The following BIN3 variants were observed in gnomAD, a reference collection of about 807,000 sequenced individuals.
BIN3 encodes bridging integrator 3.
In BIN3, 41 loss-of-function variants were observed where a neutral mutation model predicts 38.2. The observed-to-expected ratio is 1.07, with a 90% confidence interval of 0.84 to 1.39. BIN3 has a LOEUF of 1.39. BIN3 is among the 40% of genes most tolerant of loss of function. The probability of loss-of-function intolerance (pLI) is 0.00; values close to 1 mark genes in which losing one functional copy is unlikely to be tolerated. For synonymous variants in BIN3, 145 were observed against 122.6 expected (o/e 1.18, Z -1.21); for missense variants, 361 against 324.3 (o/e 1.11, Z -0.87).
rs116580287 is a variant in BIN3, at chr8:22,629,172, G to A, written c.338+792C>T. ...AAACTGCTCCTCTCATTGCCGTGTG[G>A]GCCCTGGGCCAGGCCAGTGATAATT... is the stretch of plus-strand genomic sequence containing the variant. On this transcript the variant is annotated intron_variant, in intron 6 of 8. Transcript: ENST00000276416. Among the ~76,000 whole-genome samples, 953 of 152,334 alleles carry A rather than the reference G, an allele frequency of 6.3e-3. 13 individuals are homozygous for A. The highest frequency in any genetic ancestry group is 0.022 in the African/African-American group (907 of 41,590).
At position 22,623,956 on chromosome 8, in the gene BIN3, C is replaced by A. The variant is rs201431458; in HGVS notation, c.574G>T (p.Asp192Tyr). 2.8e-5 allele frequency: 45 copies of A among 1,611,048 alleles called. No homozygotes were observed. The African/African-American group carries it at 5.3e-4, about 19-fold the overall frequency. Residue 192 changes from aspartate to tyrosine, a missense_variant, in exon 8 of 9, where the codon GAC (aspartate) becomes TAC (tyrosine). Asp to Tyr is a radical substitution (Grantham distance 160). Coordinates refer to ENST00000276416, the MANE Select transcript of BIN3 (RefSeq NM_018688.6). Reference sequence around the variant, plus strand: ...GACTCAAAGCTGGGCTGGAAGTAGTCGAGGCGGCTGCCGTAGAAGCGCGGC... The same window carrying A: ...GACTCAAAGCTGGGCTGGAAGTAGTAGAGGCGGCTGCCGTAGAAGCGCGGC... ...EMPRFYGSRLDYFQPSFESLI... is the reference protein window; with the variant it reads ...EMPRFYGSRLYYFQPSFESLI...
At position 22,621,191 on chromosome 8, in the gene BIN3, G is replaced by T; in HGVS notation, c.*231C>A. ...GCTGGACGGTTCTCCAAATAAAAAAGCCCCAAGGGTTTGTCTACACTGCTT... is the reference window on the plus strand; with the variant it reads ...GCTGGACGGTTCTCCAAATAAAAAATCCCCAAGGGTTTGTCTACACTGCTT... On this transcript the variant is annotated 3_prime_UTR_variant, in exon 9 of 9. Transcript: ENST00000276416. 1 of 560,788 alleles carries T rather than the reference G, an allele frequency of 1.8e-6. No individual in the cohort carries two copies. The highest frequency in any genetic ancestry group is 3.1e-6 in the Non-Finnish European group (1 of 318,440). The allele number at this position is 560,788 out of a possible 1,614,324, so 34.7% of individuals were successfully genotyped here.
intron 1 of BIN3, among the ~76,000 whole-genome samples, chr8:22,652,564 C>T (rs766315772): frequency 1.3e-5 from 2 of 152,218 alleles, no homozygotes; most frequent in African/African-American, 2.4e-5. Context: ...TGAGGGTGTG[C>T]GTTCACTTCA....
chr8:22,625,625 T>C, intron 6 of BIN3: 1 of 559,428 alleles, frequency 1.8e-6, no homozygotes, highest in Non-Finnish European at 3.2e-6. Flanking sequence ...TCTTGCTCTC[T>C]CACCCAGGCT....
intron 4 of BIN3, among the ~76,000 whole-genome samples, chr8:22,633,651 C>G (rs982827004): frequency 1.3e-5 from 2 of 152,198 alleles, no homozygotes; most frequent in Non-Finnish European, 2.9e-5. Context: ...GAAAAGCATC[C>G]CTCCATTCCC....
At chr8:22,626,790 C>T (rs1171923412) in intron 6 of BIN3, among the ~76,000 whole-genome samples, 1 of 152,304 alleles carries the variant, frequency 6.6e-6, no homozygotes, top group East Asian at 1.9e-4. Flanking sequence ...GCCCTATGCT[C>T]GTTGCTCCAG....
intron 1 of BIN3, among the ~76,000 whole-genome samples, chr8:22,648,387 C>G (rs946040043): frequency 6.6e-6 from 1 of 152,094 alleles, no homozygotes; most frequent in Non-Finnish European, 1.5e-5. Context: ...CCCCGAGGCT[C>G]CGCTTGGCTG....
At chr8:22,629,545 G>A (rs945990838) in intron 6 of BIN3, among the ~76,000 whole-genome samples, 9 of 152,242 alleles carry the variant, frequency 5.9e-5, no homozygotes, top group African/African-American at 2.2e-4. Context: ...TTCCAGAGCC[G>A]AGTGCTGCAG....
intron 2 of BIN3, among the ~76,000 whole-genome samples, chr8:22,642,616 G>T (rs1375765074): frequency 6.6e-6 from 1 of 152,236 alleles, no homozygotes; most frequent in Admixed American, 6.5e-5. Flanking sequence ...TTTTGTGCCA[G>T]ACACTGTGTT....
At chr8:22,629,795 G>A (rs1483833948) in intron 6 of BIN3, 169 bp downstream of exon 6, 2 of 689,242 alleles carry the variant, frequency 2.9e-6, no homozygotes, top group Non-Finnish European at 2.5e-6. Flanking sequence ...GCCCCCAGGA[G>A]CATGGACGCT....
At chr8:22,652,634 C>G (rs764684835) in intron 1 of BIN3, among the ~76,000 whole-genome samples, 1 of 152,124 alleles carries the variant, frequency 6.6e-6, no homozygotes. Flanking sequence ...CTCTCAGAGG[C>G]GGGTTTGAAG....
intron 1 of BIN3, among the ~76,000 whole-genome samples, chr8:22,655,711 G>A (rs1325136113): frequency 6.6e-6 from 1 of 152,076 alleles, no homozygotes; most frequent in Non-Finnish European, 1.5e-5. Context: ...CTCCAGCTTT[G>A]TTCTTTGTCA....
At chr8:22,649,348 GTTAA>G (rs1352319137) in intron 1 of BIN3, among the ~76,000 whole-genome samples, 1 of 147,712 alleles carries the variant, frequency 6.8e-6, no homozygotes, top group Non-Finnish European at 1.5e-5. Flanking sequence ...ACCCTTTACA[GTTAA>G]TTACAGTTTA....
chr8:22,651,757 T>C (rs1802901765), intron 1 of BIN3, among the ~76,000 whole-genome samples: 1 of 152,226 alleles, frequency 6.6e-6, no homozygotes, highest in Non-Finnish European at 1.5e-5. Context: ...TGTCACGGTG[T>C]TGTATAATTT....
rs778466276 is a variant in BIN3, at chr8:22,636,525, C to T, written c.160G>A (p.Ala54Thr). The T allele has an allele frequency of 2.6e-6, 4 of 1,552,222 alleles. No homozygotes were observed. The highest frequency in any genetic ancestry group is 3.5e-6 in the Non-Finnish European group (4 of 1,147,440). Residue 54 changes from alanine (A) to threonine (T), a missense_variant and splice_region_variant, in exon 4 of 9, where the codon GCC (alanine) becomes ACC (threonine). Physicochemically the swap from Ala to Thr is moderately conservative, Grantham distance 58 (BLOSUM62 0). Coordinates refer to ENST00000276416, the MANE Select transcript of BIN3 (RefSeq NM_018688.6). The part of the protein sequence containing the change: ...DMKKSTDADL[A>T]MSKSAVKISL... ...GTGGTGCGGGTGGAAAGTCACCTAC[C>T]CAGGTCTGCGTCGGTGCTCTTCTTC...
chr8:22,638,457 TG>T (rs1802440760), intron 2 of BIN3, among the ~76,000 whole-genome samples: 1 of 152,222 alleles, frequency 6.6e-6, no homozygotes, highest in African/African-American at 2.4e-5. Flanking sequence ...CGAACATGTA[TG>T]AGCACCTATT....
At chr8:22,662,369 A>C (rs1312617381) in intron 1 of BIN3, among the ~76,000 whole-genome samples, 2 of 152,228 alleles carry the variant, frequency 1.3e-5, no homozygotes, top group African/African-American at 4.8e-5. Context: ...GATGGCTGTG[A>C]AACAGCATCT....
rs1409895864 is a variant in BIN3 at position 22,621,272 on chromosome 8, G to A, written c.*150C>T. The A allele has an allele frequency of 1.1e-5, 12 of 1,084,480 alleles. No homozygotes were observed. The highest frequency in any genetic ancestry group is 2.6e-6 in the Non-Finnish European group (2 of 776,866). The allele number at this position is 1,084,480 out of a possible 1,614,324, so 67.2% of individuals were successfully genotyped here. On this transcript the variant is annotated 3_prime_UTR_variant, in exon 9 of 9. Coordinates refer to ENST00000276416, the MANE Select transcript of BIN3 (RefSeq NM_018688.6). The stretch of plus-strand genomic sequence containing the variant: ...GGCCTGCCTAGGGCTCCTGGTGCCA[G>A]GCTCAGGAAGAGTCATTCATTGCAA...
chr8:22,657,501 C>T (rs185488823), intron 1 of BIN3, among the ~76,000 whole-genome samples: 8 of 152,306 alleles, frequency 5.3e-5, no homozygotes, highest in East Asian at 3.9e-4. Context: ...TATTGGAGTA[C>T]GATGGGTCAA....
Sources: gnomAD v4.1 joint callset for allele counts (sites outside exome capture counted in the v4.1 genomes callset) on GRCh38, gnomAD v4.1.1 for gene constraint, MANE v1.5 for transcripts, NCBI Gene and HGNC (gene_info 2026-07-23, HGNC 2026-07-21) for gene names.